MAGI3: variants seen among roughly 807,000 people sequenced by gnomAD.
The protein encoded by MAGI3 is membrane-associated guanylate kinase, WW and PDZ domain-containing protein 3.
MAGI3 carries 43 observed loss-of-function variants against 121.8 expected under a neutral mutation model. The ratio of observed to expected loss-of-function variants is 0.35; its 90% CI spans 0.28 to 0.46. The LOEUF (loss-of-function observed/expected upper bound fraction) is 0.46. MAGI3 is among the 20% of genes least tolerant of loss of function. MAGI3 has a pLI of 1.00. For missense variants in MAGI3, 1,547 were observed against 1,797.3 expected (o/e 0.86, Z 2.52); for synonymous variants, 553 against 639.3 (o/e 0.86, Z 2.04).
At chr1:113,417,687 T>C (rs1484486168) in intron 1 of MAGI3, among the ~76,000 whole-genome samples, 1 of 152,170 alleles carries the variant, frequency 6.6e-6, no homozygotes, top group East Asian at 1.9e-4. Flanking sequence ...GTATTCCTCC[T>C]GTATATGTTT....
At chr1:113,425,048 A>G (rs897438768) in intron 1 of MAGI3, among the ~76,000 whole-genome samples, 4 of 151,858 alleles carry the variant, frequency 2.6e-5, no homozygotes, top group Non-Finnish European at 4.4e-5. Flanking sequence ...AATCCCAGCT[A>G]CTTAGGAGGC....
At chr1:113,469,580 G>A (rs1007980857) in intron 1 of MAGI3, among the ~76,000 whole-genome samples, 3 of 151,742 alleles carry the variant, frequency 2.0e-5, no homozygotes, top group Admixed American at 6.6e-5. Flanking sequence ...TTCAGCTCTG[G>A]GAAAAGTATA....
At chr1:113,464,479 G>A (rs1364435049) in intron 1 of MAGI3, among the ~76,000 whole-genome samples, 1 of 152,006 alleles carries the variant, frequency 6.6e-6, no homozygotes, top group Non-Finnish European at 1.5e-5. Flanking sequence ...ATATATCTTT[G>A]ATATATTGGT....
intron 1 of MAGI3, among the ~76,000 whole-genome samples, chr1:113,476,252 G>A (rs2101551643): frequency 6.6e-6 from 1 of 151,902 alleles, no homozygotes; most frequent in East Asian, 1.9e-4. Context: ...GTTATTTCTT[G>A]CCTTCTGCTA....
At chr1:113,412,792 G>A (rs1311460197) in intron 1 of MAGI3, among the ~76,000 whole-genome samples, 8 of 151,856 alleles carry the variant, frequency 5.3e-5, no homozygotes, top group Non-Finnish European at 1.2e-4. Flanking sequence ...TTGTCAGATG[G>A]GTAGATTGCA....
At chr1:113,436,206 C>T (rs1653557002) in intron 1 of MAGI3, among the ~76,000 whole-genome samples, 1 of 152,036 alleles carries the variant, frequency 6.6e-6, no homozygotes, top group Non-Finnish European at 1.5e-5. Flanking sequence ...AACAATCATT[C>T]TCCCATTAAT....
intron 9 of MAGI3, among the ~76,000 whole-genome samples, chr1:113,639,760 G>A (rs1272393211): frequency 6.6e-6 from 1 of 152,036 alleles, no homozygotes; most frequent in Non-Finnish European, 1.5e-5. Flanking sequence ...TGGAGACAGG[G>A]TTTCATCATG....
intron 1 of MAGI3, among the ~76,000 whole-genome samples, chr1:113,413,390 A>G (rs567930990): frequency 6.6e-6 from 1 of 152,124 alleles, no homozygotes; most frequent in South Asian, 2.1e-4. Context: ...TAAACTTTAA[A>G]GTAGTTTTTT....
Position 113,496,466 on chromosome 1 carries a change from A to G in MAGI3, c.317-53049A>G, listed in dbSNP as rs553480059. 3.9e-5 allele frequency among the ~76,000 whole-genome samples: 6 copies of G among 152,340 alleles called. No individual in the cohort carries two copies. The East Asian group carries it at 1.2e-3, about 29-fold the overall frequency. On this transcript the variant is annotated intron_variant, in intron 1 of 20. Transcript: ENST00000307546. ...TTGTTAAATGTGACCGTCAGCACTA[A>G]GTAAATCGGTAAATAGATTACTTTC...
intron 1 of MAGI3, among the ~76,000 whole-genome samples, chr1:113,535,142 A>G (rs1043798777): frequency 1.3e-5 from 2 of 152,190 alleles, no homozygotes; most frequent in African/African-American, 2.4e-5. Flanking sequence ...CTGAAATTTG[A>G]AAGCAAGCTG....
At chr1:113,616,744 A>G (rs1019013367) in intron 7 of MAGI3, among the ~76,000 whole-genome samples, 2 of 152,222 alleles carry the variant, frequency 1.3e-5, no homozygotes, top group African/African-American at 4.8e-5. Context: ...AAATTAACAT[A>G]TAATTATACA....
In MAGI3 at chr1:113,594,079, T is replaced by C. The variant is rs116196230; in HGVS notation, c.939-402T>C. 4.0e-3 allele frequency among the ~76,000 whole-genome samples: 608 copies of C among 152,338 alleles called. 3 individuals are homozygous for C. Among genetic ancestry groups the C allele is most frequent in the African/African-American group, 0.014 (578 of 41,572 alleles). On this transcript the variant is annotated intron_variant, in intron 5 of 20. Transcript: ENST00000307546. ...TATCACAGGCACACAAGAAATATAGTACTTTTTGAAGGGAAGAAGAAAGGA... is the reference window on the plus strand; with the variant it reads ...TATCACAGGCACACAAGAAATATAGCACTTTTTGAAGGGAAGAAGAAAGGA...
intron 1 of MAGI3, chr1:113,450,781 G>A (rs1045003830): frequency 2.5e-6 from 2 of 802,658 alleles, no homozygotes; most frequent in African/African-American, 3.3e-5. Context: ...AGAGCGAGGA[G>A]TTGTCAGGAA....
At chr1:113,473,804 A>G (rs958578659) in intron 1 of MAGI3, among the ~76,000 whole-genome samples, 4 of 152,210 alleles carry the variant, frequency 2.6e-5, no homozygotes, top group Non-Finnish European at 5.9e-5. Context: ...GCTGAGTCAA[A>G]TGGTAATTCT....
At chr1:113,650,042 A>G (rs1653069255) in intron 13 of MAGI3, among the ~76,000 whole-genome samples, 2 of 151,988 alleles carry the variant, frequency 1.3e-5, no homozygotes, top group African/African-American at 4.8e-5. Flanking sequence ...ATTTTATTTT[A>G]TATAATATCA....
chr1:113,653,643 G>A (rs1653303866), intron 14 of MAGI3, among the ~76,000 whole-genome samples, 187 bp from the exon 15 acceptor site: 1 of 152,114 alleles, frequency 6.6e-6, no homozygotes. Flanking sequence ...TATTTGGGAA[G>A]TCGGATGGAC....
chr1:113,523,734 C>T (rs1658316389), intron 1 of MAGI3, among the ~76,000 whole-genome samples: 1 of 152,154 alleles, frequency 6.6e-6, no homozygotes, highest in African/African-American at 2.4e-5. Context: ...GGAAAATTTG[C>T]AGCCTGACAA....
rs377661773 is a variant in MAGI3 at position 113,448,464 on chromosome 1, G to C, written c.316+57115G>C. Among the ~76,000 whole-genome samples, 226 of 152,272 alleles carry C rather than the reference G, an allele frequency of 1.5e-3. 3 individuals carry two copies. The highest frequency in any genetic ancestry group is 3.1e-3 in the Admixed American group (48 of 15,302). ...TAAGAGCAGAATTGTCAGATATTCC[G>C]TTAAATATTGGATACGAAATGTTTT... On this transcript the variant is annotated intron_variant, in intron 1 of 20. Coordinates refer to ENST00000307546, the MANE Select transcript of MAGI3 (RefSeq NM_001142782.2).
At chr1:113,663,160 G>A (rs967712663) in intron 16 of MAGI3, among the ~76,000 whole-genome samples, 3 of 151,782 alleles carry the variant, frequency 2.0e-5, no homozygotes, top group African/African-American at 4.8e-5. Flanking sequence ...GGGAGGCAGA[G>A]GTTGCTGTGA....
Sources: allele counts gnomAD v4.1 joint callset (sites outside exome capture counted in the v4.1 genomes callset), GRCh38; gene constraint gnomAD v4.1.1; transcripts MANE v1.5; gene names NCBI Gene and HGNC (gene_info 2026-07-23, HGNC 2026-07-21).